The following TBC1D22A variants were observed in gnomAD, a reference collection of about 807,000 sequenced individuals.
TBC1D22A encodes TBC1 domain family member 22A.
A neutral mutation model predicts 60.2 loss-of-function variants in TBC1D22A; 38 were observed. The ratio of observed to expected loss-of-function variants is 0.63; its 90% CI spans 0.49 to 0.83. TBC1D22A has a LOEUF of 0.83. TBC1D22A is among the 40% of genes least tolerant of loss of function. The pLI, the probability that TBC1D22A is intolerant of heterozygous loss-of-function variation, is 0.00. For synonymous variants in TBC1D22A, 302 were observed against 281.7 expected (o/e 1.07, Z -0.72); for missense variants, 628 against 701.0 (o/e 0.90, Z 1.18).
chr22:46,795,679 C>A (rs2084620456), intron 3 of TBC1D22A, among the ~76,000 whole-genome samples: 1 of 152,142 alleles, frequency 6.6e-6, no homozygotes, highest in African/African-American at 2.4e-5. Context: ...TGATCATTTA[C>A]TGTGTGGCAG....
chr22:47,070,682 C>T (rs1232076271), intron 11 of TBC1D22A, among the ~76,000 whole-genome samples: 2 of 112,742 alleles, frequency 1.8e-5, no homozygotes, highest in African/African-American at 6.9e-5. Context: ...TTGGCTGGAG[C>T]GGGGCTGACC....
intron 4 of TBC1D22A, among the ~76,000 whole-genome samples, chr22:46,804,533 G>T (rs2085046350): frequency 2.0e-5 from 3 of 152,190 alleles, no homozygotes; most frequent in Non-Finnish European, 4.4e-5. Context: ...TTCAGGCAGG[G>T]CATGCGAGAG....
At chr22:47,039,968 A>G (rs1437242237) in intron 11 of TBC1D22A, among the ~76,000 whole-genome samples, 1 of 107,848 alleles carries the variant, frequency 9.3e-6, no homozygotes, top group African/African-American at 4.7e-5. Flanking sequence ...TTTTTGAGAC[A>G]GAGTCTCACT....
intron 4 of TBC1D22A, among the ~76,000 whole-genome samples, chr22:46,865,698 G>T (rs1357033532): frequency 6.6e-6 from 1 of 152,216 alleles, no homozygotes; most frequent in Non-Finnish European, 1.5e-5. Flanking sequence ...AAGACCACAC[G>T]TGTGCGTTGG....
chr22:47,129,145 A>G (rs972408369), intron 12 of TBC1D22A, among the ~76,000 whole-genome samples: 13 of 152,200 alleles, frequency 8.5e-5, no homozygotes, highest in African/African-American at 3.1e-4. Flanking sequence ...CTAGGAACAC[A>G]TGTTCCACTA....
At chr22:47,149,804 A>T (rs1024820027) in intron 12 of TBC1D22A, among the ~76,000 whole-genome samples, 13 of 152,180 alleles carry the variant, frequency 8.5e-5, no homozygotes, top group African/African-American at 2.7e-4. Context: ...AGGTTTCCTG[A>T]TGATGTGTCT....
intron 11 of TBC1D22A, among the ~76,000 whole-genome samples, chr22:47,107,643 A>G (rs985417071): frequency 4.6e-5 from 7 of 152,244 alleles, no homozygotes; most frequent in African/African-American, 1.7e-4. Flanking sequence ...GAGCTATGCT[A>G]TGGTCATGAG....
chr22:46,973,475 T>C (rs1363417207), intron 8 of TBC1D22A, among the ~76,000 whole-genome samples: 1 of 152,260 alleles, frequency 6.6e-6, no homozygotes, highest in Non-Finnish European at 1.5e-5. Context: ...TTTATCTGCT[T>C]CAACCTTTCT....
At chr22:47,080,678 T>C (rs2147560139) in intron 11 of TBC1D22A, among the ~76,000 whole-genome samples, 1 of 152,006 alleles carries the variant, frequency 6.6e-6, no homozygotes, top group Middle Eastern at 3.4e-3. Context: ...TCAGGAATTT[T>C]AGTTTTTACC....
At chr22:46,836,029 G>T (rs901522111) in intron 4 of TBC1D22A, among the ~76,000 whole-genome samples, 1 of 152,162 alleles carries the variant, frequency 6.6e-6, no homozygotes, top group African/African-American at 2.4e-5. Context: ...GACGAAAGTG[G>T]TGGAGATTCA....
intron 8 of TBC1D22A, among the ~76,000 whole-genome samples, chr22:46,946,167 C>T (rs1030651479): frequency 6.6e-5 from 10 of 152,298 alleles, no homozygotes; most frequent in African/African-American, 2.2e-4. Flanking sequence ...CTCTTCCGGA[C>T]GGGCCAGCAT....
chr22:47,126,848 C>T (rs1439712373), intron 12 of TBC1D22A, among the ~76,000 whole-genome samples: 3 of 152,192 alleles, frequency 2.0e-5, no homozygotes, highest in Non-Finnish European at 4.4e-5. Flanking sequence ...GGGAGGAGTT[C>T]TGGAACATCT....
At chr22:46,864,539 G>A (rs1359371718) in intron 4 of TBC1D22A, among the ~76,000 whole-genome samples, 3 of 152,174 alleles carry the variant, frequency 2.0e-5, no homozygotes, top group Non-Finnish European at 4.4e-5. Context: ...CTGACATTCC[G>A]CTTTCCACAA....
In TBC1D22A at chr22:46,943,502, T is replaced by G. The variant is rs1336356267; in HGVS notation, c.1016-30788T>G. ...GCATGGGCTGCTGGTCCGCCAGGAC[T>G]GGAGCATCGGGGACTGTGCCTGGAA... On this transcript the variant is annotated intron_variant, in intron 8 of 12. Coordinates refer to ENST00000337137, the MANE Select transcript of TBC1D22A (RefSeq NM_014346.5). Among the ~76,000 whole-genome samples the G allele has an allele frequency of 3.3e-5, 5 of 152,274 alleles. No individual in the cohort carries two copies. The East Asian group carries it at 9.6e-4, about 29-fold the overall frequency.
chr22:46,994,152 G>A (rs922983677), intron 9 of TBC1D22A, among the ~76,000 whole-genome samples: 3 of 152,130 alleles, frequency 2.0e-5, no homozygotes, highest in African/African-American at 7.2e-5. Context: ...CTGAGAATCC[G>A]TCTTCCCTAC....
chr22:46,952,990 T>G (rs936363476), intron 8 of TBC1D22A, among the ~76,000 whole-genome samples: 19 of 152,180 alleles, frequency 1.2e-4, no homozygotes, highest in African/African-American at 4.3e-4. Context: ...GTGAAGTGTT[T>G]GCTGTAAAGT....
At chr22:47,078,253 C>T (rs994117479) in intron 11 of TBC1D22A, among the ~76,000 whole-genome samples, 4 of 152,106 alleles carry the variant, frequency 2.6e-5, no homozygotes, top group African/African-American at 9.7e-5. Flanking sequence ...GCTCTGAGCT[C>T]ACTTCTCTTC....
At chr22:46,793,957 C>T (rs2084539908) in intron 3 of TBC1D22A, 116 bp downstream of exon 3, 2 of 1,026,802 alleles carry the variant, frequency 1.9e-6, no homozygotes, top group Non-Finnish European at 2.8e-6. Flanking sequence ...CAGCAGGCCC[C>T]CTGGCCCACG....
chr22:47,036,568 G>C (rs1349404241), intron 10 of TBC1D22A, among the ~76,000 whole-genome samples: 1 of 152,184 alleles, frequency 6.6e-6, no homozygotes, highest in African/African-American at 2.4e-5. Context: ...CCTTCACCTG[G>C]CCTGCAGGCC....
Sources: allele counts gnomAD v4.1 joint callset (sites outside exome capture counted in the v4.1 genomes callset), GRCh38; gene constraint gnomAD v4.1.1; transcripts MANE v1.5; gene names NCBI Gene and HGNC (gene_info 2026-07-23, HGNC 2026-07-21).